Variants in SIGLEC11 observed in about 807,000 individuals in gnomAD.
SIGLEC11 encodes sialic acid-binding Ig-like lectin 11.
Under a neutral mutation model 61.2 loss-of-function variants are expected in SIGLEC11, and 47 were observed. That is an observed-to-expected ratio of 0.77 (90% CI 0.61 to 0.98). The LOEUF (loss-of-function observed/expected upper bound fraction) is 0.98. Ranked by LOEUF, SIGLEC11 falls within the 50% of genes least tolerant of loss-of-function variation. SIGLEC11 has a pLI of 0.00. For missense variants in SIGLEC11, 610 were observed against 870.3 expected (o/e 0.70, Z 3.76); for synonymous variants, 278 against 373.1 (o/e 0.75, Z 2.94).
intron 6 of SIGLEC11, 49 bp downstream of exon 6, chr19:49,958,980 GC>G (rs759183742): frequency 4.0e-5 from 64 of 1,613,432 alleles, no homozygotes; most frequent in South Asian, 3.1e-4. Context: ...AGACTCCTGG[GC>G]CCCCAGTTTG....
chr19:49,950,154 TC>T lies in SIGLEC11; in HGVS notation c.1912del (p.Glu638LysfsTer15). ...GGAGGCATAGTGGAGCTCCTGCTCTTCCCCCTTCCCCGGGGTGTAGGTGGCT... is the reference window on the plus strand; with the variant it reads ...GGAGGCATAGTGGAGCTCCTGCTCTTCCCCTTCCCCGGGGTGTAGGTGGCT... ...GAATYTPGKG[E>X]EQELHYASLS... On this transcript the variant is annotated frameshift_variant, in exon 11 of 11. Coordinates refer to ENST00000447370, the MANE Select transcript of SIGLEC11 (RefSeq NM_052884.3). LOFTEE classifies it low-confidence loss of function (END_TRUNC). 1 of 1,611,310 alleles carries T rather than the reference TC, an allele frequency of 6.2e-7. No homozygotes were observed. The highest frequency in any genetic ancestry group is 8.5e-7 in the Non-Finnish European group (1 of 1,179,446).
chr19:49,953,081 G>A (rs78143902), intron 8 of SIGLEC11, among the ~76,000 whole-genome samples: 1 of 152,226 alleles, frequency 6.6e-6, no homozygotes, highest in Non-Finnish European at 1.5e-5. Flanking sequence ...AGAGACGGTA[G>A]GTTTACTGCC....
At position 49,949,953 on chromosome 19, in the gene SIGLEC11, T is replaced by C. The variant is rs377693779; in HGVS notation, c.*17A>G. On this transcript the variant is annotated 3_prime_UTR_variant, in exon 11 of 11. Transcript: ENST00000447370. ...CTCCCACACACTTGCTGGTGTCCTG[T>C]TGCCATGGAGACCTCTTCACTTTGG... 38 of 1,418,426 alleles carry C rather than the reference T, an allele frequency of 2.7e-5. No individual in the cohort carries two copies. The African/African-American group carries it at 5.2e-4, about 19-fold the overall frequency. The allele number at this position is 1,418,426 out of a possible 1,614,324, so 87.9% of individuals were successfully genotyped here.
chr19:49,958,880 C>G lies in SIGLEC11; in HGVS notation c.1126G>C (p.Gly376Arg), dbSNP rs142292396. The change falls in exon 7 of 11, where the codon GGC (glycine) becomes CGC (arginine). Residue 376 changes from glycine (G) to arginine (R), a missense_variant. Transcript: ENST00000447370. ...NRTVLENLGNGTSLPVLEGQS... is the reference protein window; with the variant it reads ...NRTVLENLGNRTSLPVLEGQS... ...CCCTCCAGGACCGGGAGGGATGTGC[C>G]GTTCCCGAGGTTTTCCAGGACTAGG... 5.6e-6 allele frequency: 9 copies of G among 1,600,838 alleles called. No homozygotes were observed. Among genetic ancestry groups the G allele is most frequent in the African/African-American group, 5.4e-5 (4 of 74,436 alleles).
chr19:49,951,999 C>T lies in SIGLEC11; in HGVS notation c.1749-27G>A, dbSNP rs752013035. On this transcript the variant is annotated intron_variant, in intron 9 of 10. Coordinates refer to ENST00000447370, the MANE Select transcript of SIGLEC11 (RefSeq NM_052884.3). The surrounding 1 kb of genome is among the most constrained non-coding windows in gnomAD (Gnocchi z 4.6). ...TGAGGGAGGAGGCAGTGCCCTTCAG[C>T]CTCCAGGCTGGTCCAGAGCCTGGGG... 6.3e-7 allele frequency: 1 copy of T among 1,591,614 alleles called. No individual in the cohort carries two copies. Among genetic ancestry groups the T allele is most frequent in the Admixed American group, 1.7e-5 (1 of 57,398 alleles).
At chr19:49,950,307 G>A (rs1036754182) in intron 10 of SIGLEC11, 71 bp from the exon 11 acceptor site, 1 of 1,370,828 alleles carries the variant, frequency 7.3e-7, no homozygotes, top group East Asian at 2.6e-5. Flanking sequence ...GGATGCACAA[G>A]AGGATCTGGA....
In SIGLEC11 at chr19:49,959,029, C is replaced by T. The variant is rs2122915158; in HGVS notation, c.1105+1G>A. On this transcript the variant is annotated splice_donor_variant, in intron 6 of 10. Transcript: ENST00000447370. LOFTEE classifies it high-confidence loss of function. ...CCTGGCTCCTCTGTCTCCTTTCCTACCTGTCCTGTTTGCTTGGGAAACCAT... is the reference window on the plus strand; with the variant it reads ...CCTGGCTCCTCTGTCTCCTTTCCTATCTGTCCTGTTTGCTTGGGAAACCAT... The T allele has an allele frequency of 6.2e-7, 1 of 1,613,862 alleles. No individual in the cohort carries two copies. The highest frequency in any genetic ancestry group is 8.5e-7 in the Non-Finnish European group (1 of 1,179,816).
intron 8 of SIGLEC11, among the ~76,000 whole-genome samples, chr19:49,956,377 G>A (rs981149560): frequency 6.6e-6 from 1 of 151,416 alleles, no homozygotes; most frequent in Non-Finnish European, 1.5e-5. Flanking sequence ...TCCGTTCCCT[G>A]TTTCTCTTCT....
chr19:49,958,620 G>C lies in SIGLEC11; in HGVS notation c.1363+23C>G, dbSNP rs201758933. The C allele has an allele frequency of 3.1e-4, 486 of 1,571,818 alleles. 4 individuals are homozygous for C. Among genetic ancestry groups the C allele is most frequent in the Non-Finnish European group, 7.2e-5 (84 of 1,159,972 alleles). Reference sequence around the variant, plus strand: ...AGCAGGGGCCCCTTCCTGGGACCCAGGTGTCCCCTTTCCCCCACTCACAGT... The same window carrying C: ...AGCAGGGGCCCCTTCCTGGGACCCACGTGTCCCCTTTCCCCCACTCACAGT... On this transcript the variant is annotated intron_variant, in intron 7 of 10. Coordinates refer to ENST00000447370, the MANE Select transcript of SIGLEC11 (RefSeq NM_052884.3).
chr19:49,951,920 C>T lies in SIGLEC11; in HGVS notation c.1801G>A (p.Val601Met), dbSNP rs752100706. ...GAGATGGGTCCCAGGGTGGAGGGCACGTCCTGCTCAGCTGCTGCCCTCTTG... is the reference window on the plus strand; with the variant it reads ...GAGATGGGTCCCAGGGTGGAGGGCATGTCCTGCTCAGCTGCTGCCCTCTTG... ...ARKRAAAEQD[V>M]PSTLGPISQG... The change falls in exon 10 of 11, where the codon GTG becomes ATG. Residue 601 changes from valine to methionine, a missense_variant. Transcript: ENST00000447370. This position sits in a 1 kb window ranked among gnomAD's most constrained non-coding sequence, Gnocchi z 4.6. 1.6e-5 allele frequency: 25 copies of T among 1,609,356 alleles called. No individual in the cohort carries two copies. Among genetic ancestry groups the T allele is most frequent in the South Asian group, 1.1e-4 (10 of 90,440 alleles).
intron 8 of SIGLEC11, 39 bp from the exon 9 acceptor site, chr19:49,952,433 C>T (rs751274327): frequency 6.6e-7 from 1 of 1,511,014 alleles, no homozygotes; most frequent in Non-Finnish European, 9.0e-7. Flanking sequence ...CCCTCCTGGC[C>T]CTGAGACCCT....
intron 8 of SIGLEC11, among the ~76,000 whole-genome samples, chr19:49,957,817 T>C (rs1408726378): frequency 2.0e-5 from 3 of 152,038 alleles, no homozygotes; most frequent in Non-Finnish European, 4.4e-5. Flanking sequence ...CTGGCCAACA[T>C]AGTGAAACTA....
Position 49,958,704 on chromosome 19 carries a change from G to A in SIGLEC11, c.1302C>T (p.Phe434=), listed in dbSNP as rs757057701. Residue 434 remains phenylalanine, a synonymous_variant, in exon 7 of 11, where the codon TTC becomes TTT. Transcript: ENST00000447370. ...PPIQMEHEGE[F]TCHAQHPLGS... is the part of the protein sequence containing the mutation. ...CCAGAGGGTGCTGAGCGTGGCAGGT[G>A]AACTCTCCTTCGTGCTCCATTTGAA... 3 of 1,612,700 alleles carry A rather than the reference G, an allele frequency of 1.9e-6. No homozygotes were observed. In the African/African-American group the frequency reaches 4.0e-5, roughly 22 times the overall value.
rs1568751702 is a variant in SIGLEC11, at chr19:49,960,223, TGG to T, written c.657_658del (p.Gln220GlyfsTer41). On this transcript the variant is annotated frameshift_variant, in exon 3 of 11. Transcript: ENST00000447370. LOFTEE classifies it high-confidence loss of function. ...GCAGGTGAGGTCGGTGTCGTGGTCC[TGG>T]GGGCTGGGCGTGAAGCTGAGCACTG... is the stretch of plus-strand genomic sequence containing the variant. 1 of 1,547,116 alleles carries T rather than the reference TGG, an allele frequency of 6.5e-7. No homozygotes were observed. The highest frequency in any genetic ancestry group is 8.8e-7 in the Non-Finnish European group (1 of 1,133,084).
At position 49,949,440 on chromosome 19, in the gene SIGLEC11, C is replaced by G. The variant is rs1425135425; in HGVS notation, c.*530G>C. 2.0e-5 allele frequency: 3 copies of G among 152,092 alleles called. No homozygotes were observed. The highest frequency in any genetic ancestry group is 4.8e-5 in the African/African-American group (2 of 41,374). The allele number at this position is 152,092 out of a possible 1,614,324, so 9.4% of individuals were successfully genotyped here. A position where few individuals can be genotyped will look rare whatever the true frequency, so the allele number is the denominator to read the frequency against. The stretch of plus-strand genomic sequence containing the variant: ...TCTCGTTCTGGAGAGCACCCTGTGC[C>G]TCCTCTGCCTGGTTTCCTGTGCTTT... On this transcript the variant is annotated 3_prime_UTR_variant, in exon 11 of 11. Coordinates refer to ENST00000447370, the MANE Select transcript of SIGLEC11 (RefSeq NM_052884.3).
At position 49,958,813 on chromosome 19, in the gene SIGLEC11, G is replaced by C. The variant is rs761976908; in HGVS notation, c.1193C>G (p.Pro398Arg). ...CCACCGGGTCCAGCTCAGCCTGGCT[G>C]GGGGGCTGCTGTGGGTGACACAGAC... ...RLVCVTHSSP[P>R]ARLSWTRWGQ... Residue 398 changes from proline (P) to arginine (R), a missense_variant, in exon 7 of 11, where the codon CCA becomes CGA. Coordinates refer to ENST00000447370, the MANE Select transcript of SIGLEC11 (RefSeq NM_052884.3). The C allele has an allele frequency of 6.2e-7, 1 of 1,612,794 alleles. No homozygotes were observed. The highest frequency in any genetic ancestry group is 8.5e-7 in the Non-Finnish European group (1 of 1,179,324).
chr19:49,952,108 T>C (rs2122881745), intron 9 of SIGLEC11, 136 bp from the exon 10 acceptor site: 1 of 1,020,102 alleles, frequency 9.8e-7, no homozygotes, highest in Non-Finnish European at 1.4e-6. Flanking sequence ...GTGACTTCCA[T>C]AGTGAGAACT....
chr19:49,953,119 G>A (rs75533609), intron 8 of SIGLEC11, among the ~76,000 whole-genome samples: 3 of 152,132 alleles, frequency 2.0e-5, no homozygotes, highest in East Asian at 1.9e-4. Context: ...CTGGAGCCCC[G>A]GGCCTCAGGA....
chr19:49,952,526 C>CTTGGAGTGA, intron 8 of SIGLEC11, 132 bp from the exon 9 acceptor site: 1 of 616,786 alleles, frequency 1.6e-6, no homozygotes, highest in Non-Finnish European at 2.8e-6. Context: ...AATATGCATT[C>CTTGGAGTGA]ATTCACTCCA....
Sources: allele counts gnomAD v4.1 joint callset (sites outside exome capture counted in the v4.1 genomes callset), GRCh38; gene constraint gnomAD v4.1.1; non-coding constraint Gnocchi (gnomAD v3.1); transcripts MANE v1.5; gene names NCBI Gene and HGNC (gene_info 2026-07-23, HGNC 2026-07-21).